KLK11: variants seen among roughly 807,000 people sequenced by gnomAD.
The protein encoded by KLK11 is kallikrein related peptidase 11, also known as kallikrein-11.
KLK11 carries 10 observed loss-of-function variants against 23.4 expected under a neutral mutation model. The ratio of observed to expected loss-of-function variants is 0.43; its 90% CI spans 0.26 to 0.73. The LOEUF is 0.73. Ranked by LOEUF, KLK11 falls within the 30% of genes least tolerant of loss-of-function variation. The pLI, the probability that KLK11 is intolerant of heterozygous loss-of-function variation, is 0.22. For synonymous variants in KLK11, 131 were observed against 131.7 expected, an observed-to-expected ratio of 0.99 and a Z score of 0.03; for missense variants, 285 against 327.8, an observed-to-expected ratio of 0.87 and a Z score of 1.01.
intron 5 of KLK11, 140 bp downstream of exon 5, chr19:51,022,952 A>T: frequency 9.6e-7 from 1 of 1,036,354 alleles, no homozygotes; most frequent in Admixed American, 2.2e-5. Context: ...TGCTGAGGTC[A>T]GAAACGGGAA....
chr19:51,023,294 C>T, intron 4 of KLK11, 66 bp from the exon 5 acceptor site: 1 of 1,562,184 alleles, frequency 6.4e-7, no homozygotes. Context: ...GCAGTGCTTG[C>T]TGTGATCCCG....
At chr19:51,027,554 C>T (rs185447847), upstream of KLK11, 131 of 1,613,256 alleles carry the variant, frequency 8.1e-5, no homozygotes, top group Admixed American at 2.7e-4. Flanking sequence ...CTTCTCCCAG[C>T]TTGTTTGTTT....
chr19:51,027,347 T>G, upstream of KLK11: 1 of 1,120,468 alleles, frequency 8.9e-7, no homozygotes, highest in Non-Finnish European at 1.3e-6. Context: ...AACAGAGCCC[T>G]TGGCTGTGCT....
chr19:51,027,417 C>T (rs1462988064), upstream of KLK11: 3 of 1,606,620 alleles, frequency 1.9e-6, no homozygotes, highest in East Asian at 2.2e-5. Context: ...GCCCGCTTCT[C>T]CCTGCCGCCC....
At position 51,024,586 on chromosome 19, in the gene KLK11, T is replaced by A. The variant is rs1174144120; in HGVS notation, c.197+52A>T. The A allele has an allele frequency of 2.1e-6, 3 of 1,439,050 alleles. No individual in the cohort carries two copies. Among genetic ancestry groups the A allele is most frequent in the Non-Finnish European group, 2.8e-6 (3 of 1,089,604 alleles). The allele number at this position is 1,439,050 out of a possible 1,614,324, so 89.1% of individuals were successfully genotyped here. On this transcript the variant is annotated intron_variant, in intron 3 of 5. Transcript: ENST00000453757. The surrounding 1 kb of genome is among the most constrained non-coding windows in gnomAD (Gnocchi z 6.2). Reference sequence around the variant, plus strand: ...CTATCCCTGAGCTTCTCTCCATCCATCTCCCCATTCCCAGCCCCCCACCCC... The same window carrying A: ...CTATCCCTGAGCTTCTCTCCATCCAACTCCCCATTCCCAGCCCCCCACCCC...
upstream of KLK11, chr19:51,027,843 G>C (rs2569457): frequency 1.6e-4 from 48 of 291,132 alleles, 1 homozygote; most frequent in Middle Eastern, 1.1e-3. Flanking sequence ...AGCAGACTGC[G>C]GGGGGGCTCA....
At chr19:51,023,442 T>G in intron 4 of KLK11, 1 of 504,868 alleles carries the variant, frequency 2.0e-6, no homozygotes, top group Non-Finnish European at 3.4e-6. Flanking sequence ...TGGAGTGCAG[T>G]GGCGTGATCT....
chr19:51,026,217 G>A (rs942402121), intron 1 of KLK11, among the ~76,000 whole-genome samples: 36 of 152,002 alleles, frequency 2.4e-4, no homozygotes, highest in Non-Finnish European at 2.6e-4. Flanking sequence ...AGCCCTGTCC[G>A]CCAAACCCCT....
At chr19:51,023,886 C>T (rs186565215) in intron 4 of KLK11, 159 bp downstream of exon 4, 129 of 604,610 alleles carry the variant, frequency 2.1e-4, no homozygotes, top group Non-Finnish European at 3.1e-4. Context: ...AAGGCCCCAA[C>T]TTTTGTCCCC....
Position 51,024,748 on chromosome 19 carries a change from C to T in KLK11, c.87G>A (p.Lys29=). The T allele has an allele frequency of 6.2e-7, 1 of 1,603,324 alleles. No individual in the cohort carries two copies. The highest frequency in any genetic ancestry group is 8.5e-7 in the Non-Finnish European group (1 of 1,176,650). Residue 29 remains lysine (K), a synonymous_variant, in exon 3 of 6, where the codon AAG becomes AAA. Coordinates refer to ENST00000453757, the MANE Select transcript of KLK11 (RefSeq NM_001136032.3). The surrounding 1 kb of genome is among the most constrained non-coding windows in gnomAD (Gnocchi z 6.2). ...CTGCCTGCCAGGGCTGGGAGTGAGG[C>T]TTGCACTCGAACCCCTTGATGATCC... ...ETRIIKGFEC[K]PHSQPWQAAL... is the part of the protein sequence containing the mutation.
upstream of KLK11, chr19:51,027,777 A>T (rs554866309): frequency 2.9e-5 from 13 of 447,664 alleles, no homozygotes; most frequent in African/African-American, 2.4e-4. Context: ...TGGGGGTGAC[A>T]GACCTGCTTG....
In KLK11 at chr19:51,024,249, G is replaced by C; in HGVS notation, c.259C>G (p.Arg87Gly). 2 of 1,614,054 alleles carry C rather than the reference G, an allele frequency of 1.2e-6. No homozygotes were observed. The highest frequency in any genetic ancestry group is 1.1e-5 in the South Asian group (1 of 91,076). Residue 87 changes from arginine (R) to glycine (G), a missense_variant, in exon 4 of 6, where the codon CGG becomes GGG. By Grantham distance (125) the Arg-to-Gly change is moderately radical. Coordinates refer to ENST00000453757, the MANE Select transcript of KLK11 (RefSeq NM_001136032.3). The surrounding 1 kb of genome is among the most constrained non-coding windows in gnomAD (Gnocchi z 6.2). ...LQKEEGCEQT[R>G]TATESFPHPG... ...TGGGGGAAGGACTCAGTGGCTGTCC[G>C]GGTCTGCTCACAGCCCTCCTCCTTC...
rs1039313507 is a variant in KLK11, at chr19:51,025,413, G to T, written c.40+179C>A. Among the ~76,000 whole-genome samples, 7 of 152,068 alleles carry T rather than the reference G, an allele frequency of 4.6e-5. No homozygotes were observed. The highest frequency in any genetic ancestry group is 1.7e-4 in the African/African-American group (7 of 41,390). On this transcript the variant is annotated intron_variant, in intron 2 of 5. Transcript: ENST00000453757. This position sits in a 1 kb window ranked among gnomAD's most constrained non-coding sequence, Gnocchi z 6.2. ...GACCCCCTTGACCTCTCCTCCTTTG[G>T]CATTTAAAGGGATTATCTAGAAGGG... is the stretch of plus-strand genomic sequence containing the variant.
At position 51,022,470 on chromosome 19, in the gene KLK11, C is replaced by G; in HGVS notation, c.*75G>C. On this transcript the variant is annotated 3_prime_UTR_variant, in exon 6 of 6. Coordinates refer to ENST00000453757, the MANE Select transcript of KLK11 (RefSeq NM_001136032.3). ...CGTAGAGGGTCTTGGCTTAGGGTTT[C>G]TTATTAACAGAGTGAACAGGAACCA... 4.4e-6 allele frequency: 7 copies of G among 1,579,914 alleles called. No homozygotes were observed. Among genetic ancestry groups the G allele is most frequent in the Non-Finnish European group, 8.7e-7 (1 of 1,149,644 alleles).
upstream of KLK11, chr19:51,026,715 G>A (rs748674104): frequency 5.9e-5 from 34 of 571,626 alleles, no homozygotes; most frequent in East Asian, 2.9e-4. Flanking sequence ...TTAATGCCCC[G>A]GGGCGGGGTG....
At chr19:51,027,378 G>A, upstream of KLK11, 2 of 1,440,672 alleles carry the variant, frequency 1.4e-6, no homozygotes, top group Non-Finnish European at 1.9e-6. Flanking sequence ...GCTCCTCTGG[G>A]GCCTCGCTCC....
At chr19:51,023,319 C>A in intron 4 of KLK11, 91 bp from the exon 5 acceptor site, 1 of 1,507,188 alleles carries the variant, frequency 6.6e-7, no homozygotes, top group Non-Finnish European at 9.0e-7. Flanking sequence ...TGGGGGAATC[C>A]CTGTCCTTAG....
At chr19:51,022,722 G>T (rs776036011) in intron 5 of KLK11, 25 bp from the exon 6 acceptor site, 1 of 1,612,194 alleles carries the variant, frequency 6.2e-7, no homozygotes, top group South Asian at 1.1e-5. Flanking sequence ...AGAGAATGTC[G>T]GTCAGAGAAA....
chr19:51,024,585 A>G lies in KLK11; in HGVS notation c.197+53T>C. 3 of 1,439,078 alleles carry G rather than the reference A, an allele frequency of 2.1e-6. No homozygotes were observed. The highest frequency in any genetic ancestry group is 2.8e-5 in the South Asian group (2 of 70,718). 89.1% of individuals were successfully genotyped at this position (1,439,078 alleles called of 1,614,324 possible). ...CCTATCCCTGAGCTTCTCTCCATCC[A>G]TCTCCCCATTCCCAGCCCCCCACCC... is the stretch of plus-strand genomic sequence containing the variant. On this transcript the variant is annotated intron_variant, in intron 3 of 5. Transcript: ENST00000453757. The surrounding 1 kb of genome is among the most constrained non-coding windows in gnomAD (Gnocchi z 6.2).
Sources: gnomAD v4.1 joint callset for allele counts (sites outside exome capture counted in the v4.1 genomes callset) on GRCh38, gnomAD v4.1.1 for gene constraint, Gnocchi (gnomAD v3.1) non-coding constraint, MANE v1.5 for transcripts, NCBI Gene and HGNC (gene_info 2026-07-23, HGNC 2026-07-21) for gene names.